The following SYT16 variants were observed in gnomAD, a reference collection of about 807,000 sequenced individuals.
SYT16 encodes the protein synaptotagmin-16.
In SYT16, 42 loss-of-function variants were observed where a neutral mutation model predicts 61.4. That is an observed-to-expected ratio of 0.68 (90% CI 0.53 to 0.89). SYT16 has a LOEUF of 0.89. Ranked by LOEUF, SYT16 falls within the 40% of genes least tolerant of loss-of-function variation. The pLI is 0.00. For synonymous variants in SYT16, 314 were observed against 302.3 expected (o/e 1.04, Z -0.40); for missense variants, 804 against 807.3 (o/e 1.00, Z 0.05).
chr14:62,002,731 T>C (rs1036345427), intron 3 of SYT16, among the ~76,000 whole-genome samples: 4 of 152,266 alleles, frequency 2.6e-5, no homozygotes, highest in African/African-American at 9.6e-5. Flanking sequence ...TCTTTACCTG[T>C]GGTCTGAAAG....
intron 1 of SYT16, among the ~76,000 whole-genome samples, chr14:61,901,092 C>A (rs1176724745): frequency 6.6e-6 from 1 of 152,214 alleles, no homozygotes; most frequent in African/African-American, 2.4e-5. Context: ...GTGATTCAGC[C>A]ACCTTCAGGC....
intron 3 of SYT16, among the ~76,000 whole-genome samples, chr14:62,059,840 A>G (rs977538850): frequency 2.0e-5 from 3 of 151,672 alleles, no homozygotes; most frequent in African/African-American, 7.3e-5. Context: ...CTTTTCACAA[A>G]TAGATACCCA....
At chr14:61,842,280 C>T (rs913896232) in intron 1 of SYT16, among the ~76,000 whole-genome samples, 3 of 152,122 alleles carry the variant, frequency 2.0e-5, no homozygotes, top group African/African-American at 7.2e-5. Flanking sequence ...TGAATACTTT[C>T]TACTTTTTTG....
Position 62,039,834 on chromosome 14 carries a change from TACACACACACACACAC to T in SYT16, c.524-29740_524-29725del, listed in dbSNP as rs71449576. On this transcript the variant is annotated intron_variant, in intron 3 of 7. Transcript: ENST00000683842. Reference sequence around the variant, plus strand: ...AGCCAAATTCAGAGGGGCTTAAGCATACACACACACACACACACACACACACACACACACACACACA... The same window carrying T: ...AGCCAAATTCAGAGGGGCTTAAGCATACACACACACACACACACACACACA... Among the ~76,000 whole-genome samples the T allele has an allele frequency of 4.7e-4, 59 of 124,424 alleles. 1 individual carries two copies. The highest frequency in any genetic ancestry group is 1.2e-3 in the Admixed American group (14 of 11,798). The allele number at this position is 124,424 out of a possible 152,430, so 81.6% of individuals were successfully genotyped here. A position where few individuals can be genotyped will look rare whatever the true frequency, so the allele number is the denominator to read the frequency against.
intron 3 of SYT16, among the ~76,000 whole-genome samples, chr14:62,043,206 G>A (rs2054811456): frequency 6.7e-6 from 1 of 149,508 alleles, no homozygotes; most frequent in Non-Finnish European, 1.5e-5. Flanking sequence ...GTACTTCTAA[G>A]ACCTCCAGTA....
At position 61,943,101 on chromosome 14, in the gene SYT16, C is replaced by T. The variant is rs552989288; in HGVS notation, c.-324-27031C>T. ...AACTACCATCAGAGAATACTATAAACACCCCTACACAAATAAACCAGGAAA... is the reference window on the plus strand; with the variant it reads ...AACTACCATCAGAGAATACTATAAATACCCCTACACAAATAAACCAGGAAA... On this transcript the variant is annotated intron_variant, in intron 1 of 7. Transcript: ENST00000683842. 5.9e-5 allele frequency among the ~76,000 whole-genome samples: 9 copies of T among 152,306 alleles called. No individual in the cohort carries two copies. In the South Asian group the frequency reaches 1.7e-3, roughly 28 times the overall value.
rs72716791 is a variant in SYT16, at chr14:61,865,303, C to T, written c.-325+52493C>T. On this transcript the variant is annotated intron_variant, in intron 1 of 7. Coordinates refer to ENST00000683842, the MANE Select transcript of SYT16 (RefSeq NM_001367656.1). ...CTCATGCCCTACACATCCCTCTGAA[C>T]GCAGGGATGCGGAGAGCCTGAAGCT... The T allele has an allele frequency of 2.5e-3, 1,865 of 739,784 alleles. 13 individuals are homozygous for T. Among genetic ancestry groups the T allele is most frequent in the South Asian group, 3.5e-3 (243 of 68,894 alleles). 45.8% of individuals were successfully genotyped at this position (739,784 alleles called of 1,614,324 possible).
chr14:61,971,808 A>G (rs572770685), intron 2 of SYT16, among the ~76,000 whole-genome samples: 2 of 152,372 alleles, frequency 1.3e-5, no homozygotes, highest in South Asian at 4.1e-4. Flanking sequence ...CCCATGGGAC[A>G]TATGACTTAT....
At chr14:61,906,719 A>ATCCT (rs1172004583) in intron 1 of SYT16, among the ~76,000 whole-genome samples, 23 of 111,664 alleles carry the variant, frequency 2.1e-4, no homozygotes, top group Admixed American at 1.9e-3. Context: ...CCTTCCATCC[A>ATCCT]TCCATCCATC....
intron 1 of SYT16, among the ~76,000 whole-genome samples, chr14:61,898,452 C>G (rs2048402087): frequency 6.6e-6 from 1 of 152,124 alleles, no homozygotes; most frequent in Non-Finnish European, 1.5e-5. Context: ...AGAAATATGA[C>G]AGTAGAGAAG....
intron 1 of SYT16, among the ~76,000 whole-genome samples, chr14:61,932,176 C>T (rs1474468904): frequency 1.3e-5 from 2 of 152,212 alleles, no homozygotes; most frequent in Non-Finnish European, 2.9e-5. Flanking sequence ...TACCATCCCT[C>T]CAGAGGACTG....
At chr14:61,956,079 T>C (rs2050863329) in intron 1 of SYT16, among the ~76,000 whole-genome samples, 1 of 152,070 alleles carries the variant, frequency 6.6e-6, no homozygotes, top group Non-Finnish European at 1.5e-5. Context: ...GAGTACCTGT[T>C]GGTCATTTAC....
intron 1 of SYT16, among the ~76,000 whole-genome samples, chr14:61,904,471 T>G (rs2048631870): frequency 6.6e-6 from 1 of 152,202 alleles, no homozygotes; most frequent in African/African-American, 2.4e-5. Flanking sequence ...AGGTTGTGTT[T>G]CTTAATGGTC....
chr14:61,845,498 A>C (rs1305450783), intron 1 of SYT16, among the ~76,000 whole-genome samples: 2 of 152,246 alleles, frequency 1.3e-5, no homozygotes, highest in South Asian at 4.1e-4. Flanking sequence ...TGCTCATAGC[A>C]GCCACTAATG....
At chr14:61,832,609 T>C (rs1040412791) in intron 1 of SYT16, among the ~76,000 whole-genome samples, 1 of 152,062 alleles carries the variant, frequency 6.6e-6, no homozygotes, top group Non-Finnish European at 1.5e-5. Context: ...GCTAATTTTT[T>C]GTATTTTTAG....
intron 1 of SYT16, among the ~76,000 whole-genome samples, chr14:61,824,884 T>G (rs1383454623): frequency 1.3e-5 from 2 of 152,208 alleles, no homozygotes; most frequent in African/African-American, 2.4e-5. Context: ...AGAGGGGGCA[T>G]GAGGAGCTAT....
intron 3 of SYT16, among the ~76,000 whole-genome samples, chr14:62,006,578 G>A (rs1156840137): frequency 2.0e-5 from 3 of 152,108 alleles, no homozygotes; most frequent in Non-Finnish European, 2.9e-5. Flanking sequence ...TAAGGACCTG[G>A]TTGCCAATAG....
intron 3 of SYT16, among the ~76,000 whole-genome samples, chr14:62,044,530 T>C (rs2140862216): frequency 6.6e-6 from 1 of 152,174 alleles, no homozygotes; most frequent in South Asian, 2.1e-4. Context: ...CAACTCCTAC[T>C]TATGGGTGAG....
intron 3 of SYT16, among the ~76,000 whole-genome samples, chr14:62,035,310 A>G (rs1439805961): frequency 6.6e-6 from 1 of 152,124 alleles, no homozygotes; most frequent in East Asian, 1.9e-4. Flanking sequence ...GAAAGTATGA[A>G]TTCTTTCTAT....
Sources: allele counts gnomAD v4.1 joint callset (sites outside exome capture counted in the v4.1 genomes callset), GRCh38; gene constraint gnomAD v4.1.1; transcripts MANE v1.5; gene names NCBI Gene and HGNC (gene_info 2026-07-23, HGNC 2026-07-21).